Variants in SCFD2 observed in about 807,000 individuals in gnomAD.
SCFD2 encodes the protein sec1 family domain-containing protein 2.
A neutral mutation model predicts 58.9 loss-of-function variants in SCFD2; 54 were observed. The ratio of observed to expected loss-of-function variants is 0.92; its 90% CI spans 0.74 to 1.15. SCFD2 has a LOEUF of 1.15. Ranked by LOEUF, SCFD2 falls within the 50% of genes most tolerant of loss-of-function variation. SCFD2 has a pLI of 0.00. For synonymous variants in SCFD2, 321 were observed against 335.9 expected (o/e 0.96, Z 0.49); for missense variants, 805 against 836.6 (o/e 0.96, Z 0.47).
chr4:53,007,325 A>AGG (rs1721993868), intron 5 of SCFD2, among the ~76,000 whole-genome samples: 1 of 133,714 alleles, frequency 7.5e-6, no homozygotes, highest in Non-Finnish European at 1.6e-5. Context: ...AGAGAGAGAG[A>AGG]GAGAGAGAGG....
chr4:53,092,901 G>C (rs919900760), intron 5 of SCFD2, among the ~76,000 whole-genome samples: 3 of 152,094 alleles, frequency 2.0e-5, no homozygotes, highest in Admixed American at 6.6e-5. Context: ...GGCCCAAATG[G>C]GGAAGGAGAT....
At chr4:53,092,254 C>A (rs61451961) in intron 5 of SCFD2, among the ~76,000 whole-genome samples, 1 of 151,968 alleles carries the variant, frequency 6.6e-6, no homozygotes, top group South Asian at 2.1e-4. Flanking sequence ...TGATAAAACA[C>A]GTCATATGAC....
chr4:52,913,155 C>A lies in SCFD2; in HGVS notation c.1708-5564G>T, dbSNP rs1238750721. Among the ~76,000 whole-genome samples, 5 of 152,066 alleles carry A rather than the reference C, an allele frequency of 3.3e-5. No individual in the cohort carries two copies. The East Asian group carries it at 9.6e-4, about 29-fold the overall frequency. ...GTGGGCTGGCAATAGGAGATCTGTG[C>A]CCTGCCCAATCATTCAGGGACCCAG... On this transcript the variant is annotated intron_variant, in intron 6 of 8. Transcript: ENST00000401642.
chr4:53,225,768 T>G (rs1577863849), intron 4 of SCFD2, among the ~76,000 whole-genome samples: 1 of 152,306 alleles, frequency 6.6e-6, no homozygotes, highest in Non-Finnish European at 1.5e-5. Flanking sequence ...TCAGTAAGTA[T>G]CAGCAGCATT....
intron 5 of SCFD2, among the ~76,000 whole-genome samples, chr4:53,032,856 C>T (rs1722653322): frequency 6.6e-6 from 1 of 152,128 alleles, no homozygotes; most frequent in South Asian, 2.1e-4. Context: ...TAGACTCCCA[C>T]ACAATAATAG....
chr4:53,210,519 A>C (rs569301418), intron 4 of SCFD2, among the ~76,000 whole-genome samples: 13 of 152,232 alleles, frequency 8.5e-5, no homozygotes, highest in South Asian at 2.1e-4. Context: ...GAGAGACGAG[A>C]ATCCAGCTGT....
rs762596134 is a variant in SCFD2, at chr4:53,313,743, A to G, written c.1028T>C (p.Leu343Pro). 6.2e-7 allele frequency: 1 copy of G among 1,614,020 alleles called. No individual in the cohort carries two copies. The highest frequency in any genetic ancestry group is 8.5e-7 in the Non-Finnish European group (1 of 1,179,914). Residue 343 changes from leucine to proline, a missense_variant, in exon 3 of 9, where the codon CTA (leucine) becomes CCA (proline). Coordinates refer to ENST00000401642, the MANE Select transcript of SCFD2 (RefSeq NM_152540.4). The stretch of plus-strand genomic sequence containing the variant: ...CTTAGTGTTCAGTAAAGCTTCCCAT[A>G]GGGCTTTGGCTGTGGTGTCACTGCA... Reference protein sequence around the residue: ...SQSSDTTAKALWEALLNTKHK... With the variant: ...SQSSDTTAKAPWEALLNTKHK...
chr4:52,875,833 T>TAG (rs1718459053), intron 8 of SCFD2, among the ~76,000 whole-genome samples: 2 of 71,296 alleles, frequency 2.8e-5, no homozygotes, highest in African/African-American at 4.8e-5. Context: ...TATATATATA[T>TAG]ATATATATAT....
intron 5 of SCFD2, among the ~76,000 whole-genome samples, chr4:53,139,605 C>T (rs868320154): frequency 3.3e-5 from 5 of 150,762 alleles, no homozygotes; most frequent in Admixed American, 2.0e-4. Context: ...AGCCCCCGCC[C>T]GGCTGCTGCC....
At position 53,366,013 on chromosome 4, in the gene SCFD2, G is replaced by A; in HGVS notation, c.-72C>T. On this transcript the variant is annotated 5_prime_UTR_variant, in exon 1 of 9. Transcript: ENST00000401642. Reference sequence around the variant, plus strand: ...TCAGAACTCACCGCTTCCGGAAATTGGGCTCCGGGAGACTTTGACAGTCTC... The same window carrying A: ...TCAGAACTCACCGCTTCCGGAAATTAGGCTCCGGGAGACTTTGACAGTCTC... 6 of 1,493,772 alleles carry A rather than the reference G, an allele frequency of 4.0e-6. No homozygotes were observed. The highest frequency in any genetic ancestry group is 5.3e-6 in the Non-Finnish European group (6 of 1,126,972). The allele number at this position is 1,493,772 out of a possible 1,614,324, so 92.5% of individuals were successfully genotyped here. A position where few individuals can be genotyped will look rare whatever the true frequency, so the allele number is the denominator to read the frequency against.
chr4:53,203,348 C>T (rs1328528691), intron 4 of SCFD2, among the ~76,000 whole-genome samples: 20 of 151,946 alleles, frequency 1.3e-4, no homozygotes, highest in Admixed American at 1.2e-3. Context: ...AAAGAGAAGG[C>T]ATAATCAGAT....
At chr4:53,210,871 T>C (rs994602318) in intron 4 of SCFD2, among the ~76,000 whole-genome samples, 2 of 152,012 alleles carry the variant, frequency 1.3e-5, no homozygotes, top group Non-Finnish European at 2.9e-5. Flanking sequence ...GCCTTTCTGT[T>C]GTGGGTCTTA....
intron 5 of SCFD2, among the ~76,000 whole-genome samples, chr4:52,989,296 AT>A (rs1355930551): frequency 4.6e-5 from 7 of 152,228 alleles, no homozygotes; most frequent in African/African-American, 1.7e-4. Context: ...ATGCCCATCA[AT>A]TTCTCCTAAA....
intron 4 of SCFD2, among the ~76,000 whole-genome samples, chr4:53,156,711 A>G (rs1345950311): frequency 6.6e-6 from 1 of 152,206 alleles, no homozygotes; most frequent in Non-Finnish European, 1.5e-5. Context: ...ACAAACAAAG[A>G]GCTCATGACA....
chr4:53,099,805 C>T (rs2368380), intron 5 of SCFD2, among the ~76,000 whole-genome samples: 147,720 of 152,190 alleles, frequency 0.97, 71,828 homozygotes, highest in Middle Eastern at 1. Flanking sequence ...CCTCCAACAC[C>T]GGGGATCAAA....
intron 5 of SCFD2, among the ~76,000 whole-genome samples, chr4:52,991,140 G>A (rs907961389): frequency 6.6e-5 from 10 of 152,110 alleles, no homozygotes; most frequent in Non-Finnish European, 8.8e-5. Context: ...CTTGTTTTCA[G>A]GTTAATATGG....
rs1404079428 is a variant in SCFD2 at position 52,956,465 on chromosome 4, G to A, written c.1562-35595C>T. 3 of 353,354 alleles carry A rather than the reference G, an allele frequency of 8.5e-6. No homozygotes were observed. The Middle Eastern group carries it at 3.0e-3, about 355-fold the overall frequency. The allele number at this position is 353,354 out of a possible 1,614,324, so 21.9% of individuals were successfully genotyped here. On this transcript the variant is annotated intron_variant, in intron 5 of 8. Transcript: ENST00000401642. ...AGGGCAGGTGGCCACCAGGGTCCTGGGACAGTGCAACGAGGACTTGGAACC... is the reference window on the plus strand; with the variant it reads ...AGGGCAGGTGGCCACCAGGGTCCTGAGACAGTGCAACGAGGACTTGGAACC...
At chr4:53,364,960 G>C in intron 1 of SCFD2, 144 bp downstream of exon 1, 1 of 949,500 alleles carries the variant, frequency 1.1e-6, no homozygotes. Context: ...TAAACTCTGT[G>C]AGATTAGAGA....
chr4:53,131,922 T>A (rs1197254061), intron 5 of SCFD2, among the ~76,000 whole-genome samples: 3 of 152,246 alleles, frequency 2.0e-5, no homozygotes. Context: ...ATTCATTGAA[T>A]AATTACAAAC....
Sources: gnomAD v4.1 joint callset for allele counts (sites outside exome capture counted in the v4.1 genomes callset) on GRCh38, gnomAD v4.1.1 for gene constraint, MANE v1.5 for transcripts, NCBI Gene and HGNC (gene_info 2026-07-23, HGNC 2026-07-21) for gene names.